CNTRL: variants seen among roughly 807,000 people sequenced by gnomAD.
CNTRL encodes the protein centriolin.
CNTRL carries 233 observed loss-of-function variants against 303.7 expected under a neutral mutation model. The ratio of observed to expected loss-of-function variants is 0.77; its 90% CI spans 0.69 to 0.86. CNTRL has a LOEUF of 0.86. Ranked by LOEUF, CNTRL falls within the 40% of genes least tolerant of loss-of-function variation. The pLI, the probability that CNTRL is intolerant of heterozygous loss-of-function variation, is 0.00. For synonymous variants in CNTRL, 900 were observed against 922.2 expected, an observed-to-expected ratio of 0.98 and a Z score of 0.44; for missense variants, 2,524 against 2,650.6, an observed-to-expected ratio of 0.95 and a Z score of 1.05.
At chr9:121,104,257 T>C (rs1457280967) in intron 7 of CNTRL, among the ~76,000 whole-genome samples, 2 of 152,158 alleles carry the variant, frequency 1.3e-5, no homozygotes, top group African/African-American at 4.8e-5. Flanking sequence ...CCATCATTCT[T>C]TGCAAACTGT....
intron 10 of CNTRL, among the ~76,000 whole-genome samples, chr9:121,114,815 T>C (rs1344356841): frequency 6.6e-6 from 1 of 152,222 alleles, no homozygotes; most frequent in Non-Finnish European, 1.5e-5. Context: ...CAAAAGGGTT[T>C]ACTAGTGTTG....
intron 7 of CNTRL, among the ~76,000 whole-genome samples, chr9:121,105,027 A>T (rs2049397808): frequency 6.6e-6 from 1 of 152,158 alleles, no homozygotes; most frequent in African/African-American, 2.4e-5. Flanking sequence ...ACAGTTTTTT[A>T]AAAAGCAGCA....
At chr9:121,094,671 G>A (rs1362159754) in intron 4 of CNTRL, among the ~76,000 whole-genome samples, 2 of 152,192 alleles carry the variant, frequency 1.3e-5, no homozygotes, top group South Asian at 2.1e-4. Context: ...TATAGACAAT[G>A]TTGTTGTCAA....
intron 8 of CNTRL, among the ~76,000 whole-genome samples, chr9:121,110,712 A>C (rs1014501576): frequency 9.2e-5 from 14 of 151,920 alleles, no homozygotes; most frequent in African/African-American, 3.4e-4. Context: ...TTTTTTTTTA[A>C]TGGATGTTTA....
intron 13 of CNTRL, 77 bp downstream of exon 13, chr9:121,124,161 C>T (rs756339498): frequency 3.5e-5 from 44 of 1,272,144 alleles, no homozygotes; most frequent in Non-Finnish European, 4.6e-5. Context: ...AAGCATTAAT[C>T]CAGATAGTAG....
intron 34 of CNTRL, among the ~76,000 whole-genome samples, chr9:121,163,745 C>G (rs2052962543): frequency 6.6e-6 from 1 of 151,924 alleles, no homozygotes; most frequent in South Asian, 2.1e-4. Context: ...GGCAAATAAA[C>G]ACATGAAAAG....
chr9:121,081,492 A>G (rs1473057286), intron 2 of CNTRL, among the ~76,000 whole-genome samples: 1 of 152,200 alleles, frequency 6.6e-6, no homozygotes, highest in Non-Finnish European at 1.5e-5. Context: ...GATGCCCATT[A>G]CAAGTAGTAG....
chr9:121,110,701 A>AT (rs914043640), intron 8 of CNTRL, among the ~76,000 whole-genome samples: 4 of 150,582 alleles, frequency 2.7e-5, no homozygotes, highest in Admixed American at 6.6e-5. Flanking sequence ...CGTATGTATT[A>AT]TTTTTTTTTA....
rs2053577952 is a variant in CNTRL at position 121,177,603 on chromosome 9, ACAAT to A, written c.*421_*424del. The A allele has an allele frequency of 5.2e-6, 1 of 193,608 alleles. No homozygotes were observed. The highest frequency in any genetic ancestry group is 1.1e-5 in the Non-Finnish European group (1 of 93,674). The allele number at this position is 193,608 out of a possible 1,614,324, so 12.0% of individuals were successfully genotyped here. The stretch of plus-strand genomic sequence containing the variant: ...ATTTTTCATATGAAAATAAAAGATA[ACAAT>A]CAACTTGGGTCTGTCCTCTGACTTT... On this transcript the variant is annotated 3_prime_UTR_variant, in exon 44 of 44. Transcript: ENST00000373855.
At chr9:121,108,916 C>T (rs909188238) in intron 8 of CNTRL, among the ~76,000 whole-genome samples, 6 of 152,214 alleles carry the variant, frequency 3.9e-5, no homozygotes, top group South Asian at 4.2e-4. Context: ...CTTTGTTTTC[C>T]ATGCTTCTTA....
At chr9:121,085,327 A>G (rs1329299619) in intron 2 of CNTRL, among the ~76,000 whole-genome samples, 1 of 152,252 alleles carries the variant, frequency 6.6e-6, no homozygotes, top group Non-Finnish European at 1.5e-5. Flanking sequence ...GATGCTGATT[A>G]CATAGCTTGT....
chr9:121,102,866 G>T (rs146270957), intron 7 of CNTRL, among the ~76,000 whole-genome samples: 12,557 of 152,158 alleles, frequency 0.083, 548 homozygotes, highest in Non-Finnish European at 0.11. Context: ...TCTTCAAGGA[G>T]AATTACAAAC....
rs141247403 is a variant in CNTRL, at chr9:121,077,983, T to C, written c.-204-2323T>C. 5.9e-3 allele frequency among the ~76,000 whole-genome samples: 904 copies of C among 152,242 alleles called. 36 individuals carry two copies. The highest frequency in any genetic ancestry group is 0.052 in the Admixed American group (799 of 15,282). ...AACGCCAACTACGTACTATACATAC[T>C]ATAATAAATGTCATCTTTTAATCCA... On this transcript the variant is annotated intron_variant, in intron 1 of 43. Transcript: ENST00000373855.
chr9:121,157,466 C>G lies in CNTRL; in HGVS notation c.4366-4C>G. On this transcript the variant is annotated splice_polypyrimidine_tract_variant and splice_region_variant and intron_variant, in intron 27 of 43. Coordinates refer to ENST00000373855, the MANE Select transcript of CNTRL (RefSeq NM_007018.6). ...ATGGCTTTTAATGACAGTTTCTTTT[C>G]TAGACAAAAAATGCTGTTGAAAAGT... The G allele has an allele frequency of 1.9e-6, 3 of 1,612,420 alleles. No homozygotes were observed. The highest frequency in any genetic ancestry group is 2.5e-6 in the Non-Finnish European group (3 of 1,179,310).
intron 40 of CNTRL, 33 bp downstream of exon 40, chr9:121,171,581 G>A (rs776648170): frequency 6.2e-7 from 1 of 1,604,290 alleles, no homozygotes; most frequent in East Asian, 2.2e-5. Context: ...TGGCCAGCCT[G>A]GGGAGAGAGG....
chr9:121,136,694 C>T (rs551262241), intron 15 of CNTRL, among the ~76,000 whole-genome samples: 1 of 152,308 alleles, frequency 6.6e-6, no homozygotes, highest in Non-Finnish European at 1.5e-5. Flanking sequence ...TTAAATTATA[C>T]TTGCAAGTTA....
intron 25 of CNTRL, 26 bp from the exon 26 acceptor site, chr9:121,152,459 T>C: frequency 6.4e-7 from 1 of 1,574,576 alleles, no homozygotes; most frequent in Non-Finnish European, 8.7e-7. Context: ...GTTTCAGCAC[T>C]GCATTTTTTT....
At chr9:121,120,120 G>GGT (rs1554747892) in intron 12 of CNTRL, among the ~76,000 whole-genome samples, 2 of 148,440 alleles carry the variant, frequency 1.3e-5, no homozygotes, top group African/African-American at 5.0e-5. Flanking sequence ...AATAATAGGG[G>GGT]TTTTTTTTTT....
chr9:121,106,319 A>G (rs1320219742), intron 7 of CNTRL, among the ~76,000 whole-genome samples: 1 of 144,352 alleles, frequency 6.9e-6, no homozygotes, highest in Non-Finnish European at 1.5e-5. Flanking sequence ...AGCCTGGGCG[A>G]CAGAGCGAGA....
Sources: gnomAD v4.1 joint callset for allele counts (sites outside exome capture counted in the v4.1 genomes callset) on GRCh38, gnomAD v4.1.1 for gene constraint, MANE v1.5 for transcripts, NCBI Gene and HGNC (gene_info 2026-07-23, HGNC 2026-07-21) for gene names.